ADH4: variants seen among roughly 807,000 people sequenced by gnomAD.
The protein encoded by ADH4 is alcohol dehydrogenase 4 (class II), pi polypeptide.
Under a neutral mutation model 35.2 loss-of-function variants are expected in ADH4, and 31 were observed. That is an observed-to-expected ratio of 0.88 (90% CI 0.66 to 1.19). The LOEUF is 1.19. Ranked by LOEUF, ADH4 falls within the 50% of genes most tolerant of loss-of-function variation. The probability of loss-of-function intolerance (pLI) is 0.00; values close to 1 mark genes in which losing one functional copy is unlikely to be tolerated. For synonymous variants in ADH4, 171 were observed against 160.2 expected, an observed-to-expected ratio of 1.07 and a Z score of -0.51; for missense variants, 476 against 458.3, an observed-to-expected ratio of 1.04 and a Z score of -0.35.
chr4:99,139,230 T>G, intron 3 of ADH4, 82 bp from the exon 4 acceptor site: 1 of 835,600 alleles, frequency 1.2e-6, no homozygotes, highest in Non-Finnish European at 1.9e-6. Context: ...AAAACACCTT[T>G]TCTTTATAGT....
At position 99,139,122 on chromosome 4, in the gene ADH4, G is replaced by A. The variant is rs146533284; in HGVS notation, c.289C>T (p.Pro97Ser). The change falls in exon 4 of 9, where the codon CCT becomes TCT. Residue 97 changes from proline to serine, a missense_variant. By Grantham distance (74) the Pro-to-Ser change is moderately conservative. Coordinates refer to ENST00000265512, the MANE Select transcript of ADH4 (RefSeq NM_000670.5). ...CAAAACTTGCATTTTCTACATAGAGGTGCATAAAGTGGAATTACTTTGTCA... is the reference window on the plus strand; with the variant it reads ...CAAAACTTGCATTTTCTACATAGAGATGCATAAAGTGGAATTACTTTGTCA... Reference protein sequence around the residue: ...PGDKVIPLYAPLCRKCKFCLS... With the variant: ...PGDKVIPLYASLCRKCKFCLS... 1.4e-4 allele frequency: 228 copies of A among 1,613,064 alleles called. No individual in the cohort carries two copies. The highest frequency in any genetic ancestry group is 1.8e-4 in the Non-Finnish European group (208 of 1,179,538).
At position 99,124,326 on chromosome 4, in the gene ADH4, T is replaced by G; in HGVS notation, c.*116A>C. 1 of 711,554 alleles carries G rather than the reference T, an allele frequency of 1.4e-6. No individual in the cohort carries two copies. The highest frequency in any genetic ancestry group is 2.4e-6 in the Non-Finnish European group (1 of 418,678). The allele number at this position is 711,554 out of a possible 1,614,324, so 44.1% of individuals were successfully genotyped here. On this transcript the variant is annotated 3_prime_UTR_variant, in exon 9 of 9. Transcript: ENST00000265512. ...TTAAAGCTCTTTTATGTTCCCATAT[T>G]AAATGTAAATATTTGTTTAAACTCA... is the stretch of plus-strand genomic sequence containing the variant.
chr4:99,143,365 CATT>C (rs1729698588), intron 1 of ADH4: 1 of 552,184 alleles, frequency 1.8e-6, no homozygotes, highest in Non-Finnish European at 3.3e-6. Context: ...AGGCTTACAT[CATT>C]ATTAAATTTA....
At position 99,141,666 on chromosome 4, in the gene ADH4, A is replaced by G. The variant is rs1729629156; in HGVS notation, c.137T>C (p.Leu46Pro). The G allele has an allele frequency of 6.2e-7, 1 of 1,613,710 alleles. No individual in the cohort carries two copies. The highest frequency in any genetic ancestry group is 1.7e-5 in the Admixed American group (1 of 59,918). ...EVRIQIIATS[L>P]CHTDATVIDS... ...GATAACAGTGGCATCAGTATGGCAC[A>G]GAGAGGTAGCAATGATCTACAAGGC... is the stretch of plus-strand genomic sequence containing the variant. Residue 46 changes from leucine (L) to proline (P), a missense_variant, in exon 3 of 9, where the codon CTG becomes CCG. Physicochemically the swap from Leu to Pro is moderately conservative, Grantham distance 98 (BLOSUM62 -3). Transcript: ENST00000265512.
intron 6 of ADH4, among the ~76,000 whole-genome samples, chr4:99,130,494 TC>T (rs1434377882): frequency 6.6e-6 from 1 of 152,198 alleles, no homozygotes; most frequent in Non-Finnish European, 1.5e-5. Context: ...CTAGAAACTT[TC>T]TATAGAAGCT....
chr4:99,123,765 G>A lies in ADH4; in HGVS notation c.*677C>T, dbSNP rs1454538034. On this transcript the variant is annotated 3_prime_UTR_variant, in exon 9 of 9. Transcript: ENST00000265512. Reference sequence around the variant, plus strand: ...AATTGCTGTTGACTATAGTCTCCCTGTTGTGCTATCAAATACCAGGTCTTA... The same window carrying A: ...AATTGCTGTTGACTATAGTCTCCCTATTGTGCTATCAAATACCAGGTCTTA... 6.6e-6 allele frequency: 1 copy of A among 152,080 alleles called. No homozygotes were observed. Among genetic ancestry groups the A allele is most frequent in the African/African-American group, 2.4e-5 (1 of 41,400 alleles). The allele number at this position is 152,080 out of a possible 1,614,324, so 9.4% of individuals were successfully genotyped here. A position where few individuals can be genotyped will look rare whatever the true frequency, so the allele number is the denominator to read the frequency against.
Position 99,126,701 on chromosome 4 carries a change from C to A in ADH4, c.1011G>T (p.Leu337=), listed in dbSNP as rs1328156518. ...ATTTCTTATTCTTATAGTCAGTGAC[C>A]AGCTTTGGGATAGAATCTACACTTT... ...GWKSVDSIPK[L]VTDYKNKKFN... is the part of the protein sequence containing the mutation. Residue 337 remains leucine, a synonymous_variant, in exon 8 of 9, where the codon CTG becomes CTT. Coordinates refer to ENST00000265512, the MANE Select transcript of ADH4 (RefSeq NM_000670.5). 1 of 1,610,040 alleles carries A rather than the reference C, an allele frequency of 6.2e-7. No individual in the cohort carries two copies. The highest frequency in any genetic ancestry group is 2.2e-5 in the East Asian group (1 of 44,836).
chr4:99,129,256 A>G (rs1729197344), intron 6 of ADH4, among the ~76,000 whole-genome samples: 1 of 152,124 alleles, frequency 6.6e-6, no homozygotes, highest in Non-Finnish European at 1.5e-5. Context: ...GAATAATTTC[A>G]TATAAAAAAG....
intron 6 of ADH4, among the ~76,000 whole-genome samples, chr4:99,130,154 A>T (rs993096575): frequency 6.6e-6 from 1 of 152,172 alleles, no homozygotes; most frequent in East Asian, 1.9e-4. Flanking sequence ...TTGATGATTT[A>T]TTTGGCTAAA....
Position 99,141,565 on chromosome 4 carries a change from G to A in ADH4, c.238C>T (p.Pro80Ser). Reference protein sequence around the residue: ...EAAGIVESIGPGVTNVKPGDK... With the variant: ...EAAGIVESIGSGVTNVKPGDK... ...CCTGGTTTGACGTTGGTCACTCCTG[G>A]CCCAATACTTTCCACAATACCTGCA... Residue 80 changes from proline to serine, a missense_variant, in exon 3 of 9, where the codon CCA (proline) becomes TCA (serine). By Grantham distance (74) the Pro-to-Ser change is moderately conservative. Transcript: ENST00000265512. The A allele has an allele frequency of 1.2e-6, 2 of 1,613,900 alleles. No homozygotes were observed. Among genetic ancestry groups the A allele is most frequent in the Non-Finnish European group, 8.5e-7 (1 of 1,179,950 alleles).
chr4:99,129,523 T>C (rs966671433), intron 6 of ADH4, among the ~76,000 whole-genome samples: 5 of 152,234 alleles, frequency 3.3e-5, no homozygotes, highest in African/African-American at 1.2e-4. Context: ...TTGCTCTTAA[T>C]ACAATTAAAA....
At chr4:99,132,323 G>A (rs565610390) in intron 5 of ADH4, among the ~76,000 whole-genome samples, 7 of 152,238 alleles carry the variant, frequency 4.6e-5, no homozygotes, top group African/African-American at 1.7e-4. Context: ...TTCTTCTCAT[G>A]CCGTAGTTGA....
rs6836440 is a variant in ADH4 at position 99,127,355 on chromosome 4, G to A, written c.844-11C>T. On this transcript the variant is annotated splice_polypyrimidine_tract_variant and intron_variant, in intron 6 of 8. Transcript: ENST00000265512. ...GTCCAGGGCTGCTTTCTGTGATGGA[G>A]CATAAAAGAATACTTGAGTCAGTGG... The A allele has an allele frequency of 0.97, 1,534,985 of 1,582,896 alleles. 744,486 individuals are homozygous for A. The highest frequency in any genetic ancestry group is 1 in the East Asian group (43,918 of 43,926).
intron 4 of ADH4, among the ~76,000 whole-genome samples, chr4:99,138,665 T>C (rs974619066): frequency 6.6e-6 from 1 of 152,230 alleles, no homozygotes; most frequent in Admixed American, 6.5e-5. Context: ...TGTTTTTGTA[T>C]ATGACACTTT....
intron 2 of ADH4, among the ~76,000 whole-genome samples, chr4:99,142,246 C>G (rs1015276095): frequency 6.6e-6 from 1 of 152,216 alleles, no homozygotes; most frequent in Non-Finnish European, 1.5e-5. Context: ...GTGACCTACT[C>G]CTGTCCCTTC....
In ADH4 at chr4:99,126,163, T is replaced by G. The variant is rs1444416687; in HGVS notation, c.1118+431A>C. Among the ~76,000 whole-genome samples the G allele has an allele frequency of 3.9e-5, 6 of 152,188 alleles. 1 individual carries two copies. The highest frequency in any genetic ancestry group is 1.4e-4 in the African/African-American group (6 of 41,454). ...TGAGACAGTTGGGGCATCCTTTACA[T>G]GTCTGATCCCTGCCACAGAGGCATG... On this transcript the variant is annotated intron_variant, in intron 8 of 8. Coordinates refer to ENST00000265512, the MANE Select transcript of ADH4 (RefSeq NM_000670.5).
chr4:99,142,795 GA>G lies in ADH4; in HGVS notation c.19-16del. The G allele has an allele frequency of 1.9e-6, 3 of 1,582,746 alleles. No individual in the cohort carries two copies. The highest frequency in any genetic ancestry group is 2.3e-5 in the South Asian group (2 of 85,964). On this transcript the variant is annotated splice_polypyrimidine_tract_variant and intron_variant, in intron 1 of 8. Transcript: ENST00000265512. ...CATTTAATAACCTGAAAGAGAGAAA[GA>G]AAAGGAAGAGGGAGATAGAGATAGA...
chr4:99,142,580 C>A, intron 2 of ADH4, 99 bp downstream of exon 2: 1 of 612,068 alleles, frequency 1.6e-6, no homozygotes. Flanking sequence ...ACTAGAAACT[C>A]CAAGGCCTCT....
chr4:99,124,564 T>G, intron 8 of ADH4, 98 bp from the exon 9 acceptor site: 1 of 725,150 alleles, frequency 1.4e-6, no homozygotes, highest in Non-Finnish European at 2.3e-6. Context: ...GGATCTGGTC[T>G]TCCTTTATAG....
Sources: allele counts gnomAD v4.1 joint callset (sites outside exome capture counted in the v4.1 genomes callset), GRCh38; gene constraint gnomAD v4.1.1; transcripts MANE v1.5; gene names NCBI Gene and HGNC (gene_info 2026-07-23, HGNC 2026-07-21).